The following HAO1 variants were observed in gnomAD, a reference collection of about 807,000 sequenced individuals.
HAO1 encodes 2-Hydroxyacid oxidase 1.
HAO1 carries 34 observed loss-of-function variants against 39.7 expected under a neutral mutation model. That is an observed-to-expected ratio of 0.86 (90% CI 0.65 to 1.14). The LOEUF is 1.14. Ranked by LOEUF, HAO1 falls within the 50% of genes most tolerant of loss-of-function variation. HAO1 has a pLI of 0.00. For missense variants in HAO1, 479 were observed against 464.5 expected, an observed-to-expected ratio of 1.03 and a Z score of -0.29; for synonymous variants, 172 against 173.2, an observed-to-expected ratio of 0.99 and a Z score of 0.05.
chr20:7,931,570 C>T (rs1013489429), intron 2 of HAO1, among the ~76,000 whole-genome samples: 1 of 151,870 alleles, frequency 6.6e-6, no homozygotes, highest in African/African-American at 2.4e-5. Context: ...TCTGAGCCTT[C>T]AATGCTATAA....
Position 7,883,336 on chromosome 20 carries a change from A to T in HAO1, c.*257T>A, listed in dbSNP as rs984202457. 1 of 503,528 alleles carries T rather than the reference A, an allele frequency of 2.0e-6. No homozygotes were observed. Among genetic ancestry groups the T allele is most frequent in the Non-Finnish European group, 3.6e-6 (1 of 279,624 alleles). The allele number at this position is 503,528 out of a possible 1,614,324, so 31.2% of individuals were successfully genotyped here. On this transcript the variant is annotated 3_prime_UTR_variant, in exon 8 of 8. Coordinates refer to ENST00000378789, the MANE Select transcript of HAO1 (RefSeq NM_017545.3). ...TGCCAGGGGATGACGTTGTCTAAAC[A>T]CATTTTCAATGTTTTCTTTTTAACA...
At chr20:7,915,085 G>A (rs780316503) in intron 2 of HAO1, among the ~76,000 whole-genome samples, 7 of 152,056 alleles carry the variant, frequency 4.6e-5, no homozygotes, top group East Asian at 1.9e-4. Context: ...GCAGCATTGC[G>A]CTCTAGCCTG....
At chr20:7,915,806 A>G (rs2050304305) in intron 2 of HAO1, among the ~76,000 whole-genome samples, 1 of 152,216 alleles carries the variant, frequency 6.6e-6, no homozygotes, top group Non-Finnish European at 1.5e-5. Flanking sequence ...GTATTACATG[A>G]TATCAAATTT....
chr20:7,938,740 T>C (rs1358472853), intron 1 of HAO1, among the ~76,000 whole-genome samples: 2 of 152,178 alleles, frequency 1.3e-5, no homozygotes, highest in South Asian at 2.1e-4. Flanking sequence ...GAGGCTGATA[T>C]GCATCCAGGG....
intron 3 of HAO1, among the ~76,000 whole-genome samples, chr20:7,909,876 G>A (rs1271774568): frequency 7.2e-5 from 11 of 152,130 alleles, no homozygotes; most frequent in Non-Finnish European, 1.5e-5. Flanking sequence ...CATAAATACA[G>A]ACACTGATAC....
chr20:7,931,257 A>G (rs1157611441), intron 2 of HAO1, among the ~76,000 whole-genome samples: 1 of 152,188 alleles, frequency 6.6e-6, no homozygotes, highest in East Asian at 1.9e-4. Context: ...GATCCACCTT[A>G]TCCAAATGTC....
chr20:7,904,510 C>A (rs961263309), intron 4 of HAO1, among the ~76,000 whole-genome samples: 3 of 152,194 alleles, frequency 2.0e-5, no homozygotes, highest in African/African-American at 7.2e-5. Flanking sequence ...GAAGTAGAGT[C>A]TATTGGCTTG....
At position 7,914,199 on chromosome 20, in the gene HAO1, AT is replaced by A; in HGVS notation, c.509del (p.Asp170ValfsTer14). 1 of 1,614,052 alleles carries A rather than the reference AT, an allele frequency of 6.2e-7. No homozygotes were observed. ...GCGGCAGTTTGAATCTGTTACGCACATCATCCAGACGGTTGCCCAGGTAAGG... is the reference window on the plus strand; with the variant it reads ...GCGGCAGTTTGAATCTGTTACGCACACATCCAGACGGTTGCCCAGGTAAGG... ...DTPYLGNRLD[D>X]VRNRFKLPPQ... On this transcript the variant is annotated frameshift_variant, in exon 3 of 8. Coordinates refer to ENST00000378789, the MANE Select transcript of HAO1 (RefSeq NM_017545.3). LOFTEE classifies it high-confidence loss of function.
chr20:7,940,259 A>G, intron 1 of HAO1, 27 bp downstream of exon 1: 1 of 1,563,766 alleles, frequency 6.4e-7, no homozygotes, highest in South Asian at 1.2e-5. Context: ...ATTTTAAAAC[A>G]TGATTTTAAA....
intron 5 of HAO1, among the ~76,000 whole-genome samples, chr20:7,890,177 C>T (rs901204601): frequency 2.6e-5 from 4 of 151,894 alleles, no homozygotes; most frequent in Admixed American, 6.6e-5. Flanking sequence ...CTCATGTATA[C>T]GACATGCAAA....
chr20:7,899,789 C>T (rs912030624), intron 4 of HAO1, among the ~76,000 whole-genome samples: 4 of 152,120 alleles, frequency 2.6e-5, no homozygotes, highest in Admixed American at 6.5e-5. Context: ...AAAATATTCC[C>T]ACTTAGCAAA....
chr20:7,898,975 CAT>C (rs1032032380), intron 4 of HAO1, among the ~76,000 whole-genome samples: 1 of 150,774 alleles, frequency 6.6e-6, no homozygotes, highest in African/African-American at 2.4e-5. Context: ...ACCACTTAAA[CAT>C]AGACAATGGT....
At chr20:7,892,445 C>A (rs1452229782) in intron 5 of HAO1, among the ~76,000 whole-genome samples, 1 of 152,160 alleles carries the variant, frequency 6.6e-6, no homozygotes, top group Non-Finnish European at 1.5e-5. Context: ...AGGAAAAACT[C>A]AACGCAATAT....
intron 5 of HAO1, among the ~76,000 whole-genome samples, 159 bp from the exon 6 acceptor site, chr20:7,886,023 AG>A (rs936693632): frequency 9.2e-5 from 14 of 152,198 alleles, no homozygotes; most frequent in African/African-American, 3.4e-4. Context: ...CAAAGAAGAG[AG>A]GTACAAATGC....
At chr20:7,928,469 G>A (rs1185822670) in intron 2 of HAO1, among the ~76,000 whole-genome samples, 1 of 150,306 alleles carries the variant, frequency 6.7e-6, no homozygotes, top group Non-Finnish European at 1.5e-5. Context: ...TTTTGTTTTT[G>A]GAGATTTTTG....
chr20:7,915,886 G>A (rs1296666221), intron 2 of HAO1, among the ~76,000 whole-genome samples: 1 of 151,860 alleles, frequency 6.6e-6, no homozygotes, highest in Admixed American at 6.6e-5. Context: ...AGAATTATGG[G>A]GTTAGTTTAA....
intron 2 of HAO1, among the ~76,000 whole-genome samples, chr20:7,934,059 A>T (rs1348105782): frequency 1.3e-5 from 2 of 152,190 alleles, no homozygotes; most frequent in Non-Finnish European, 2.9e-5. Context: ...ACAGGGCTGA[A>T]TTCCAATTCT....
intron 4 of HAO1, among the ~76,000 whole-genome samples, chr20:7,900,880 A>T (rs1427371536): frequency 6.6e-6 from 1 of 152,220 alleles, no homozygotes; most frequent in East Asian, 1.9e-4. Flanking sequence ...CTAAGTTGTG[A>T]ATGCAAACAA....
intron 1 of HAO1, among the ~76,000 whole-genome samples, chr20:7,939,277 C>T (rs2050429248): frequency 6.6e-6 from 1 of 152,176 alleles, no homozygotes; most frequent in South Asian, 2.1e-4. Flanking sequence ...GTATCCTTCA[C>T]CCCATTGCCA....
Sources: allele counts gnomAD v4.1 joint callset (sites outside exome capture counted in the v4.1 genomes callset), GRCh38; gene constraint gnomAD v4.1.1; transcripts MANE v1.5; gene names NCBI Gene and HGNC (gene_info 2026-07-23, HGNC 2026-07-21).